PCM1: variants seen among roughly 807,000 people sequenced by gnomAD.
PCM1 encodes pericentriolar material 1 protein.
PCM1 carries 157 observed loss-of-function variants against 241.9 expected under a neutral mutation model. The ratio of observed to expected loss-of-function variants is 0.65; its 90% CI spans 0.57 to 0.74. PCM1 has a LOEUF of 0.74. PCM1 is among the 30% of genes least tolerant of loss of function. PCM1 has a pLI of 0.00. For synonymous variants in PCM1, 1,085 were observed against 784.9 expected, an observed-to-expected ratio of 1.38 and a Z score of -6.39; for missense variants, 3,478 against 2,360.1, an observed-to-expected ratio of 1.47 and a Z score of -9.81.
In PCM1 at chr8:17,953,024, G is replaced by A; in HGVS notation, c.1126G>A (p.Glu376Lys). 1.2e-6 allele frequency: 2 copies of A among 1,608,674 alleles called. No homozygotes were observed. Among genetic ancestry groups the A allele is most frequent in the Non-Finnish European group, 1.7e-6 (2 of 1,177,296 alleles). ...RQAESLSLTREVSQSRKPSAS... is the reference protein window; with the variant it reads ...RQAESLSLTRKVSQSRKPSAS... ...GGCAGAAAGTCTTTCATTAACTAGG[G>A]AGGTTTCCCAGAGCAGGAAACCATC... Residue 376 changes from glutamate (E) to lysine (K), a missense_variant, in exon 9 of 39, where the codon GAG (glutamate) becomes AAG (lysine). By Grantham distance (56) the Glu-to-Lys change is moderately conservative (BLOSUM62 1). Coordinates refer to ENST00000325083, the MANE Select transcript of PCM1 (RefSeq NM_006197.4).
chr8:18,012,150 A>T (rs1387526821), intron 34 of PCM1, among the ~76,000 whole-genome samples: 1 of 152,110 alleles, frequency 6.6e-6, no homozygotes, highest in Non-Finnish European at 1.5e-5. Context: ...ATGAGCCACC[A>T]CACCCATCCA....
At chr8:18,014,489 T>C in intron 35 of PCM1, 95 bp from the exon 36 acceptor site, 1 of 941,252 alleles carries the variant, frequency 1.1e-6, no homozygotes, top group Non-Finnish European at 1.5e-6. Context: ...AATATCTTGA[T>C]TGCTCTTATT....
rs117668170 is a variant in PCM1 at position 17,995,993 on chromosome 8, T to A, written c.4827+2374T>A. Among the ~76,000 whole-genome samples, 16 of 152,320 alleles carry A rather than the reference T, an allele frequency of 1.1e-4. No homozygotes were observed. In the East Asian group the frequency reaches 2.9e-3, roughly 28 times the overall value. The stretch of plus-strand genomic sequence containing the variant: ...ATATCATATACAAACAAGGATAATT[T>A]GATTCTTCCTTTCCAGTTTGGATCC... On this transcript the variant is annotated intron_variant, in intron 29 of 38. Transcript: ENST00000325083.
At chr8:17,994,721 A>G (rs1224184209) in intron 29 of PCM1, among the ~76,000 whole-genome samples, 1 of 146,192 alleles carries the variant, frequency 6.8e-6, no homozygotes, top group Admixed American at 6.7e-5. Context: ...TGTCTTTGGG[A>G]TAAGTGCCAT....
At chr8:17,949,033 G>A (rs2064990960) in intron 7 of PCM1, among the ~76,000 whole-genome samples, 1 of 152,250 alleles carries the variant, frequency 6.6e-6, no homozygotes, top group South Asian at 2.1e-4. Context: ...TAGGTCAGGG[G>A]TCTTGTTTCT....
intron 2 of PCM1, among the ~76,000 whole-genome samples, chr8:17,928,860 G>A (rs1289810905): frequency 6.6e-6 from 1 of 151,854 alleles, no homozygotes; most frequent in Non-Finnish European, 1.5e-5. Context: ...TCAAACTCCT[G>A]ACCTTAGATG....
chr8:17,982,298 G>A (rs548651572), intron 24 of PCM1, among the ~76,000 whole-genome samples: 1 of 151,952 alleles, frequency 6.6e-6, no homozygotes, highest in Non-Finnish European at 1.5e-5. Context: ...TAAACAGTCC[G>A]GTAGAGGTCG....
intron 29 of PCM1, among the ~76,000 whole-genome samples, chr8:18,001,994 TC>T (rs2089638844): frequency 9.5e-5 from 4 of 42,282 alleles, no homozygotes; most frequent in African/African-American, 2.3e-4. Flanking sequence ...TTCTAACCTT[TC>T]TTTTTTTTTT....
chr8:17,973,707 G>A (rs1034007883), intron 23 of PCM1, among the ~76,000 whole-genome samples: 14 of 148,938 alleles, frequency 9.4e-5, no homozygotes, highest in African/African-American at 3.2e-4. Context: ...GACAGAGCAA[G>A]TCTCTGTCAG....
intron 36 of PCM1, among the ~76,000 whole-genome samples, chr8:18,024,357 G>T (rs2093995782): frequency 6.6e-6 from 1 of 152,092 alleles, no homozygotes; most frequent in Non-Finnish European, 1.5e-5. Flanking sequence ...ACAGAGTGAG[G>T]CCCTGTGTCT....
chr8:17,943,536 G>C (rs144188626), intron 6 of PCM1, among the ~76,000 whole-genome samples: 1 of 151,824 alleles, frequency 6.6e-6, no homozygotes, highest in Admixed American at 6.6e-5. Context: ...TTTTTCTTAA[G>C]GCATTACATA....
At chr8:17,986,601 A>G (rs117901995) in intron 26 of PCM1, among the ~76,000 whole-genome samples, 2,572 of 151,808 alleles carry the variant, frequency 0.017, 42 homozygotes, top group South Asian at 0.044. Context: ...GAAGAGTGCT[A>G]AGGAGAATGG....
chr8:17,973,343 T>TA (rs1227422526), intron 23 of PCM1, among the ~76,000 whole-genome samples: 1 of 152,222 alleles, frequency 6.6e-6, no homozygotes, highest in Admixed American at 6.5e-5. Flanking sequence ...TCTGCAGTGT[T>TA]ACAGCTGAAG....
At chr8:18,011,892 C>G in intron 34 of PCM1, 65 bp downstream of exon 34, 2 of 1,340,552 alleles carry the variant, frequency 1.5e-6, no homozygotes, top group Non-Finnish European at 1.0e-6. Flanking sequence ...TTCCATCAGC[C>G]TTATTTTAAC....
intron 20 of PCM1, 86 bp downstream of exon 20, chr8:17,966,559 A>G (rs1323712080): frequency 1.7e-6 from 2 of 1,186,706 alleles, no homozygotes; most frequent in Admixed American, 4.6e-5. Context: ...AGAAAAGAGC[A>G]AGACCAAATT....
At chr8:18,015,452 C>A (rs2093046380) in intron 36 of PCM1, among the ~76,000 whole-genome samples, 1 of 152,148 alleles carries the variant, frequency 6.6e-6, no homozygotes, top group Non-Finnish European at 1.5e-5. Context: ...CAAAGCTTAA[C>A]CCCAGCCTGT....
chr8:17,957,358 A>C lies in PCM1; in HGVS notation c.1741A>C (p.Asn581His), dbSNP rs771154498. Residue 581 changes from asparagine to histidine, a missense_variant, in exon 12 of 39, where the codon AAT becomes CAT. Physicochemically the swap from Asn to His is moderately conservative, Grantham distance 68. Coordinates refer to ENST00000325083, the MANE Select transcript of PCM1 (RefSeq NM_006197.4). ...TAGAGATGGGCGAACAGTTAATTCTAATTGTGAAATTAACAACAGATCTGC... is the reference window on the plus strand; with the variant it reads ...TAGAGATGGGCGAACAGTTAATTCTCATTGTGAAATTAACAACAGATCTGC... ...NNRDGRTVNS[N>H]CEINNRSAAN... 6 of 1,612,362 alleles carry C rather than the reference A, an allele frequency of 3.7e-6. No homozygotes were observed. The highest frequency in any genetic ancestry group is 1.3e-5 in the African/African-American group (1 of 74,918).
intron 9 of PCM1, among the ~76,000 whole-genome samples, 181 bp from the exon 10 acceptor site, chr8:17,955,287 CTT>C (rs1295935932): frequency 2.6e-5 from 4 of 152,040 alleles, no homozygotes; most frequent in Non-Finnish European, 5.9e-5. Context: ...GTAAACAAGT[CTT>C]TGTACATTTT....
At chr8:17,946,896 C>T (rs1293026302) in intron 6 of PCM1, among the ~76,000 whole-genome samples, 2 of 146,826 alleles carry the variant, frequency 1.4e-5, no homozygotes, top group Admixed American at 6.8e-5. Context: ...TCCCTCTTGG[C>T]CTTTTATGTT....
Sources: allele counts gnomAD v4.1 joint callset (sites outside exome capture counted in the v4.1 genomes callset), GRCh38; gene constraint gnomAD v4.1.1; transcripts MANE v1.5; gene names NCBI Gene and HGNC (gene_info 2026-07-23, HGNC 2026-07-21).